RASSF3: variants seen among roughly 807,000 people sequenced by gnomAD.
RASSF3 encodes ras association domain-containing protein 3.
A neutral mutation model predicts 19.9 loss-of-function variants in RASSF3; 19 were observed. The observed-to-expected ratio is 0.96, with a 90% CI of 0.67 to 1.40. The LOEUF is 1.40. Ranked by LOEUF, RASSF3 falls within the 40% of genes most tolerant of loss-of-function variation. The pLI is 0.00. For synonymous variants in RASSF3, 110 were observed against 104.2 expected, an observed-to-expected ratio of 1.06 and a Z score of -0.34; for missense variants, 306 against 289.8, an observed-to-expected ratio of 1.06 and a Z score of -0.41.
At chr12:64,604,530 G>C (rs992244052) in intron 2 of RASSF3, among the ~76,000 whole-genome samples, 1 of 152,148 alleles carries the variant, frequency 6.6e-6, no homozygotes, top group African/African-American at 2.4e-5. Context: ...AAGCAACCAG[G>C]GTGATAGTTG....
At chr12:64,605,650 G>A (rs761816394), upstream of RASSF3, among the ~76,000 whole-genome samples, 1 of 152,074 alleles carries the variant, frequency 6.6e-6, no homozygotes, top group Non-Finnish European at 1.5e-5. Flanking sequence ...AGCACTTTGG[G>A]AGGCTGAGGC....
intron 2 of RASSF3, among the ~76,000 whole-genome samples, chr12:64,685,361 C>T (rs1377527837): frequency 6.6e-6 from 1 of 152,182 alleles, no homozygotes; most frequent in Non-Finnish European, 1.5e-5. Context: ...CCTCCCACCT[C>T]AGCCTCCCGA....
chr12:64,692,775 C>T (rs372109519), intron 4 of RASSF3, among the ~76,000 whole-genome samples: 20 of 152,260 alleles, frequency 1.3e-4, no homozygotes, highest in Admixed American at 3.3e-4. Flanking sequence ...TAGGGTCTCA[C>T]TACGTTGCCC....
intron 1 of RASSF3, among the ~76,000 whole-genome samples, chr12:64,641,149 A>C (rs1871503441): frequency 6.6e-6 from 1 of 152,072 alleles, no homozygotes; most frequent in Non-Finnish European, 1.5e-5. Context: ...TAATCCCAGC[A>C]CTTTGGGAGG....
At chr12:64,551,929 G>C (rs531006386) in intron 2 of RASSF3, among the ~76,000 whole-genome samples, 2 of 152,252 alleles carry the variant, frequency 1.3e-5, no homozygotes, top group Admixed American at 6.5e-5. Context: ...TCTTCAAATA[G>C]ATTACGAGAT....
At chr12:64,530,769 G>A (rs548609691), upstream of RASSF3, among the ~76,000 whole-genome samples, 208 of 152,300 alleles carry the variant, frequency 1.4e-3, no homozygotes, top group African/African-American at 4.7e-3. Context: ...TCCAATAGGT[G>A]TGTGGTAGCA....
intron 4 of RASSF3, among the ~76,000 whole-genome samples, chr12:64,693,144 C>T (rs76020782): frequency 4.7e-4 from 61 of 128,730 alleles, no homozygotes; most frequent in Non-Finnish European, 8.3e-4. Flanking sequence ...CCATGTTGCT[C>T]TTTTTTTTTT....
chr12:64,534,982 C>T lies in RASSF3; in HGVS notation c.67+1648C>T, dbSNP rs560962802. On this transcript the variant is annotated intron_variant, in intron 1 of 1. Coordinates refer to the RASSF3 transcript ENST00000636333. ...ATCTCTAAGGCACCATCTATTGTGA[C>T]GTACACCGTCATTTTATGTACCACT... 1.8e-4 allele frequency among the ~76,000 whole-genome samples: 28 copies of T among 151,982 alleles called. No homozygotes were observed. The South Asian group carries it at 5.8e-3, about 32-fold the overall frequency.
In RASSF3 at chr12:64,603,502, G is replaced by T. The variant is rs532539139; in HGVS notation, c.294+61797G>T. Among the ~76,000 whole-genome samples the T allele has an allele frequency of 2.6e-5, 4 of 152,266 alleles. No individual in the cohort carries two copies. The East Asian group carries it at 7.7e-4, about 29-fold the overall frequency. ...GATATGTTGGATGGACAAATCTAGTGATGGAAAAGCCATTTGCTTTTCTCC... is the reference window on the plus strand; with the variant it reads ...GATATGTTGGATGGACAAATCTAGTTATGGAAAAGCCATTTGCTTTTCTCC... On this transcript the variant is annotated intron_variant, in intron 2 of 5. Coordinates refer to the RASSF3 transcript ENST00000637125.
At chr12:64,526,499 C>T (rs1250720112) in intron 1 of RASSF3, among the ~76,000 whole-genome samples, 1 of 152,060 alleles carries the variant, frequency 6.6e-6, no homozygotes, top group Non-Finnish European at 1.5e-5. Flanking sequence ...CACTATTCTA[C>T]TTTCTACCTC....
At position 64,691,515 on chromosome 12, in the gene RASSF3, G is replaced by C; in HGVS notation, c.503G>C (p.Arg168Pro). 1 of 1,614,116 alleles carries C rather than the reference G, an allele frequency of 6.2e-7. No homozygotes were observed. Among genetic ancestry groups the C allele is most frequent in the Non-Finnish European group, 8.5e-7 (1 of 1,179,970 alleles). The change falls in exon 4 of 5, where the codon CGT becomes CCT. Residue 168 changes from arginine (R) to proline (P), a missense_variant. Physicochemically the swap from Arg to Pro is moderately radical, Grantham distance 103 (BLOSUM62 -2). Transcript: ENST00000542104. Reference protein sequence around the residue: ...LSDREHPLYLRLVAGPRTDTL... With the variant: ...LSDREHPLYLPLVAGPRTDTL... ...GACCGGGAACATCCACTCTACCTGC[G>C]TTTGGTAGCAGGGCCCAGAACAGAC... is the stretch of plus-strand genomic sequence containing the variant.
At chr12:64,604,272 T>C (rs1870146553) in intron 2 of RASSF3, among the ~76,000 whole-genome samples, 1 of 151,636 alleles carries the variant, frequency 6.6e-6, no homozygotes, top group Non-Finnish European at 1.5e-5. Context: ...ACTACAGGCA[T>C]ACACCACCAT....
At chr12:64,515,794 G>T (rs1356000497) in intron 1 of RASSF3, among the ~76,000 whole-genome samples, 1 of 151,834 alleles carries the variant, frequency 6.6e-6, no homozygotes, top group African/African-American at 2.4e-5. Context: ...TGAGTAGCTG[G>T]GATTACAAGC....
intron 1 of RASSF3, among the ~76,000 whole-genome samples, chr12:64,672,224 CTTAT>C (rs1292352934): frequency 6.6e-6 from 1 of 151,782 alleles, no homozygotes; most frequent in African/African-American, 2.4e-5. Flanking sequence ...ATTTTGTTAT[CTTAT>C]TTATTTATTT....
intron 2 of RASSF3, among the ~76,000 whole-genome samples, chr12:64,577,098 A>C (rs973957234): frequency 1.3e-5 from 2 of 152,216 alleles, no homozygotes; most frequent in Non-Finnish European, 2.9e-5. Flanking sequence ...CTAAGAAAGA[A>C]GGGAATGACT....
chr12:64,631,939 A>G (rs1289393056), intron 1 of RASSF3, among the ~76,000 whole-genome samples: 1 of 152,138 alleles, frequency 6.6e-6, no homozygotes, highest in Non-Finnish European at 1.5e-5. Flanking sequence ...CAGGGGAGTG[A>G]GGATCATTGA....
chr12:64,669,565 T>C (rs1029117895), intron 1 of RASSF3, among the ~76,000 whole-genome samples: 4 of 152,176 alleles, frequency 2.6e-5, no homozygotes, highest in Non-Finnish European at 5.9e-5. Flanking sequence ...GCGTTCATTA[T>C]GTTAAATTCA....
At chr12:64,520,473 T>C (rs1014117643) in intron 1 of RASSF3, among the ~76,000 whole-genome samples, 1 of 150,404 alleles carries the variant, frequency 6.6e-6, no homozygotes, top group Non-Finnish European at 1.5e-5. Context: ...TTCTGATTCT[T>C]TAAAGCAAAT....
intron 1 of RASSF3, among the ~76,000 whole-genome samples, chr12:64,682,718 G>T (rs2682728): frequency 0.29 from 44,712 of 152,050 alleles, 6,997 homozygotes; most frequent in Non-Finnish European, 0.36. Context: ...AGCCCCTCCT[G>T]CTGTATTTAC....
Sources: allele counts gnomAD v4.1 joint callset (sites outside exome capture counted in the v4.1 genomes callset), GRCh38; gene constraint gnomAD v4.1.1; transcripts MANE v1.5; gene names NCBI Gene and HGNC (gene_info 2026-07-23, HGNC 2026-07-21).